Variants in CCDC144A observed in about 807,000 individuals in gnomAD.
The protein encoded by CCDC144A is coiled-coil domain-containing protein 144A.
A neutral mutation model predicts 143.8 loss-of-function variants in CCDC144A; 41 were observed. That is an observed-to-expected ratio of 0.29 (90% confidence interval 0.22 to 0.37). The LOEUF is 0.37. Among genes scored for constraint, CCDC144A ranks in the 10% least tolerant of loss-of-function variants. The pLI is 1.00. For missense variants in CCDC144A, 637 were observed against 1,488.8 expected, an observed-to-expected ratio of 0.43 and a Z score of 9.41; for synonymous variants, 242 against 517.9, an observed-to-expected ratio of 0.47 and a Z score of 7.23.
At chr17:16,740,454 G>A (rs2143272206) in intron 12 of CCDC144A, among the ~76,000 whole-genome samples, 1 of 152,278 alleles carries the variant, frequency 6.6e-6, no homozygotes, top group East Asian at 1.9e-4. Flanking sequence ...TGGAAATCAG[G>A]TCATGTCCAG....
the CCDC144A span, among the ~76,000 whole-genome samples, chr17:16,669,816 C>T: frequency 4.6e-5 from 7 of 152,162 alleles, no homozygotes; most frequent in Non-Finnish European, 1.0e-4. Context: ...CCTGCTACTT[C>T]ATCTCTCTAC....
At chr17:16,770,597 G>A (rs1380976117) in intron 15 of CCDC144A, among the ~76,000 whole-genome samples, 3 of 151,684 alleles carry the variant, frequency 2.0e-5, no homozygotes, top group Non-Finnish European at 4.4e-5. Flanking sequence ...CAGTCTCTCC[G>A]AGCCTGTTTT....
intron 12 of CCDC144A, among the ~76,000 whole-genome samples, chr17:16,759,778 G>A (rs558940716): frequency 1.8e-4 from 27 of 152,330 alleles, no homozygotes; most frequent in Non-Finnish European, 2.8e-4. Context: ...TGTTGTTGTT[G>A]TGCAATCTAT....
chr17:16,688,194 C>T (rs1910848182), upstream of CCDC144A, among the ~76,000 whole-genome samples: 1 of 151,990 alleles, frequency 6.6e-6, no homozygotes, highest in Admixed American at 6.6e-5. Flanking sequence ...CTTGTCAGGT[C>T]ACAGTCTCCA....
At chr17:16,678,927 T>A in the CCDC144A span, among the ~76,000 whole-genome samples, 4 of 151,932 alleles carry the variant, frequency 2.6e-5, no homozygotes, top group Admixed American at 2.0e-4. Flanking sequence ...GCTAATTTTG[T>A]ATTTTTAGTA....
Position 16,729,657 on chromosome 17 carries a change from GCTATTCT to G in CCDC144A, c.2105+1919_2105+1925del, listed in dbSNP as rs1294796647. Among the ~76,000 whole-genome samples, 194 of 151,782 alleles carry G rather than the reference GCTATTCT, an allele frequency of 1.3e-3. 1 individual carries two copies. Among genetic ancestry groups the G allele is most frequent in the African/African-American group, 4.6e-3 (190 of 41,366 alleles). On this transcript the variant is annotated intron_variant, in intron 9 of 16. Coordinates refer to ENST00000399273, the MANE Select transcript of CCDC144A (RefSeq NM_001382000.1). ...GGCTACCTCTGCCTCCCGGGTTCAAGCTATTCTCCTGCCTCAGCCTCCTGAGTAGCTG... is the reference window on the plus strand; with the variant it reads ...GGCTACCTCTGCCTCCCGGGTTCAAGCCTGCCTCAGCCTCCTGAGTAGCTG...
chr17:16,726,222 C>G (rs1295636647), intron 8 of CCDC144A, among the ~76,000 whole-genome samples: 1 of 147,992 alleles, frequency 6.8e-6, no homozygotes, highest in Non-Finnish European at 1.5e-5. Flanking sequence ...ACTAAAAATA[C>G]AAAAAAAAAT....
At chr17:16,676,327 C>G in the CCDC144A span, among the ~76,000 whole-genome samples, 1 of 151,860 alleles carries the variant, frequency 6.6e-6, no homozygotes, top group East Asian at 1.9e-4. Flanking sequence ...GCCTGGCCAA[C>G]ATGGTGAAAC....
At chr17:16,684,305 TG>T in the CCDC144A span, 4 of 760,876 alleles carry the variant, frequency 5.3e-6, no homozygotes, top group Non-Finnish European at 9.7e-6. Flanking sequence ...TAATGGTTTA[TG>T]TAAGTGGTTT....
intron 16 of CCDC144A, among the ~76,000 whole-genome samples, chr17:16,772,236 C>G (rs1915849072): frequency 6.6e-6 from 1 of 152,108 alleles, no homozygotes; most frequent in Admixed American, 6.6e-5. Flanking sequence ...AAAAAAATAG[C>G]TCAAGAAGTC....
At chr17:16,675,660 A>T in the CCDC144A span, among the ~76,000 whole-genome samples, 1 of 152,026 alleles carries the variant, frequency 6.6e-6, no homozygotes, top group African/African-American at 2.4e-5. Context: ...TTTACTGATC[A>T]TTTACCTTCC....
the CCDC144A span, among the ~76,000 whole-genome samples, chr17:16,677,498 G>A: frequency 6.6e-6 from 1 of 152,010 alleles, no homozygotes; most frequent in African/African-American, 2.4e-5. Flanking sequence ...CTATGTGATG[G>A]TCTTTGGAGG....
At chr17:16,725,372 A>G in intron 8 of CCDC144A, among the ~76,000 whole-genome samples, 1 of 151,464 alleles carries the variant, frequency 6.6e-6, no homozygotes, top group Non-Finnish European at 1.5e-5. Context: ...AATTTTTATG[A>G]TTTATTTTTA....
At chr17:16,730,528 A>G (rs1423679850) in intron 9 of CCDC144A, among the ~76,000 whole-genome samples, 1 of 131,972 alleles carries the variant, frequency 7.6e-6, no homozygotes, top group Non-Finnish European at 1.5e-5. Flanking sequence ...GTGAAGAATG[A>G]CAGTGGTATG....
intron 12 of CCDC144A, among the ~76,000 whole-genome samples, chr17:16,760,156 T>C (rs1915296293): frequency 6.6e-6 from 1 of 152,016 alleles, no homozygotes; most frequent in African/African-American, 2.4e-5. Context: ...GTGTGACTTT[T>C]TGTAACCAAC....
intron 2 of CCDC144A, among the ~76,000 whole-genome samples, chr17:16,696,693 A>C (rs1217915794): frequency 6.6e-6 from 1 of 151,928 alleles, no homozygotes; most frequent in Non-Finnish European, 1.5e-5. Context: ...CTTTTCCTGT[A>C]GGCCATGGGA....
At chr17:16,687,735 G>A (rs1442909938), upstream of CCDC144A, among the ~76,000 whole-genome samples, 1 of 152,118 alleles carries the variant, frequency 6.6e-6, no homozygotes, top group Non-Finnish European at 1.5e-5. Context: ...GTGCCATTTT[G>A]AGATGCCCTA....
In CCDC144A at chr17:16,752,349, C is replaced by T. The variant is rs532600716; in HGVS notation, c.3373-9076C>T. Among the ~76,000 whole-genome samples, 21 of 152,268 alleles carry T rather than the reference C, an allele frequency of 1.4e-4. No homozygotes were observed. The South Asian group carries it at 4.4e-3, about 32-fold the overall frequency. On this transcript the variant is annotated intron_variant, in intron 12 of 16. Transcript: ENST00000399273. The stretch of plus-strand genomic sequence containing the variant: ...CACCGTCTGTGGAAAAATTGTTTTC[C>T]ACAATGCCAGCACCTGGTGCCAGAA...
chr17:16,670,797 C>T, the CCDC144A span, among the ~76,000 whole-genome samples: 57 of 152,106 alleles, frequency 3.7e-4, no homozygotes, highest in African/African-American at 1.3e-3. Flanking sequence ...ATGTGAGCCA[C>T]CATCCCCCGC....
Sources: allele counts gnomAD v4.1 joint callset (sites outside exome capture counted in the v4.1 genomes callset), GRCh38; gene constraint gnomAD v4.1.1; transcripts MANE v1.5; gene names NCBI Gene and HGNC (gene_info 2026-07-23, HGNC 2026-07-21).